EYS: variants seen among roughly 807,000 people sequenced by gnomAD.
EYS encodes protein eyes shut homolog.
A neutral mutation model predicts 282.1 loss-of-function variants in EYS; 250 were observed. The observed-to-expected ratio is 0.89, with a 90% CI of 0.80 to 0.98. EYS has a LOEUF of 0.98. EYS is among the 50% of genes least tolerant of loss of function. The probability of loss-of-function intolerance (pLI) is 0.00; values close to 1 mark genes in which losing one functional copy is unlikely to be tolerated. For synonymous variants in EYS, 1,355 were observed against 1,282.9 expected (o/e 1.06, Z -1.20); for missense variants, 4,016 against 3,709.0 (o/e 1.08, Z -2.15).
At chr6:64,875,752 T>C (rs1766730770) in intron 19 of EYS, among the ~76,000 whole-genome samples, 1 of 152,146 alleles carries the variant, frequency 6.6e-6, no homozygotes, top group African/African-American at 2.4e-5. Context: ...ACATAATTTG[T>C]TCTGTAATGT....
intron 1 of EYS, among the ~76,000 whole-genome samples, chr6:65,669,788 G>A (rs1463121601): frequency 4.0e-5 from 6 of 151,836 alleles, no homozygotes; most frequent in South Asian, 2.1e-4. Flanking sequence ...ATTAACACCC[G>A]CACAGTTGGA....
At chr6:65,369,103 T>A (rs1402374198) in intron 8 of EYS, among the ~76,000 whole-genome samples, 1 of 150,696 alleles carries the variant, frequency 6.6e-6, no homozygotes. Flanking sequence ...CAAAACTCTT[T>A]CAAATTTTTC....
At chr6:65,337,068 T>C (rs1247091482) in intron 10 of EYS, among the ~76,000 whole-genome samples, 1 of 151,422 alleles carries the variant, frequency 6.6e-6, no homozygotes. Flanking sequence ...GATTAGGAAT[T>C]TGGTTTCATG....
intron 2 of EYS, among the ~76,000 whole-genome samples, chr6:65,561,368 C>T (rs1769050966): frequency 6.6e-6 from 1 of 152,144 alleles, no homozygotes; most frequent in Non-Finnish European, 1.5e-5. Flanking sequence ...CTTCTTGAGT[C>T]ACCATTTACT....
intron 12 of EYS, among the ~76,000 whole-genome samples, chr6:65,060,136 C>T (rs951666280): frequency 1.6e-4 from 24 of 151,910 alleles, no homozygotes; most frequent in African/African-American, 5.5e-4. Flanking sequence ...CCGTATTTCC[C>T]AAACTAATCT....
chr6:64,224,490 G>A (rs996453482), intron 31 of EYS, among the ~76,000 whole-genome samples: 1 of 151,928 alleles, frequency 6.6e-6, no homozygotes, highest in Non-Finnish European at 1.5e-5. Context: ...TTTCTCAGTC[G>A]ATTCCATATG....
intron 22 of EYS, among the ~76,000 whole-genome samples, chr6:64,758,128 C>T (rs115970435): frequency 0.011 from 1,739 of 152,080 alleles, 35 homozygotes; most frequent in African/African-American, 0.04. Context: ...CTAGTACGCA[C>T]GAGTTATTTG....
rs1766988935 is a variant in EYS at position 64,607,983 on chromosome 6, C to A, written c.3684+9435G>T. Among the ~76,000 whole-genome samples, 3 of 152,206 alleles carry A rather than the reference C, an allele frequency of 2.0e-5. No individual in the cohort carries two copies. The South Asian group carries it at 6.2e-4, about 32-fold the overall frequency. ...AAAGTATCCAAGACATTTAGCCTGGCAAATAGTTAGGCTTCCTTCATAAAT... is the reference window on the plus strand; with the variant it reads ...AAAGTATCCAAGACATTTAGCCTGGAAAATAGTTAGGCTTCCTTCATAAAT... On this transcript the variant is annotated intron_variant, in intron 24 of 42. Coordinates refer to ENST00000503581, the MANE Select transcript of EYS (RefSeq NM_001142800.2).
intron 12 of EYS, among the ~76,000 whole-genome samples, chr6:65,107,992 T>C (rs945290472): frequency 2.0e-5 from 3 of 152,136 alleles, no homozygotes; most frequent in Admixed American, 6.6e-5. Context: ...GATGATGTTA[T>C]ATTCTTGTTT....
intron 12 of EYS, among the ~76,000 whole-genome samples, chr6:65,261,513 T>C (rs777808656): frequency 6.6e-6 from 1 of 152,054 alleles, no homozygotes; most frequent in Non-Finnish European, 1.5e-5. Flanking sequence ...AACTCAATTA[T>C]GGTTTGCATA....
chr6:65,607,462 T>C (rs936449200), intron 2 of EYS, among the ~76,000 whole-genome samples: 16 of 151,906 alleles, frequency 1.1e-4, no homozygotes, highest in Non-Finnish European at 8.8e-5. Flanking sequence ...ATTCCTGCTG[T>C]AACTTTCCTC....
chr6:64,421,773 T>G (rs1006042454), intron 28 of EYS, among the ~76,000 whole-genome samples: 1 of 152,028 alleles, frequency 6.6e-6, no homozygotes, highest in Admixed American at 6.6e-5. Flanking sequence ...ACTTGGAAAC[T>G]GCTGATTAGT....
chr6:64,010,102 T>C (rs1768538218), intron 33 of EYS, among the ~76,000 whole-genome samples: 1 of 152,164 alleles, frequency 6.6e-6, no homozygotes, highest in Non-Finnish European at 1.5e-5. Context: ...CTCTGGCCCC[T>C]TGAGGTTATG....
intron 12 of EYS, among the ~76,000 whole-genome samples, chr6:65,259,544 TA>T (rs1767562542): frequency 6.6e-6 from 1 of 152,138 alleles, no homozygotes; most frequent in African/African-American, 2.4e-5. Context: ...AATTGCCACT[TA>T]AGAATTACAA....
intron 29 of EYS, among the ~76,000 whole-genome samples, chr6:64,341,547 A>T (rs1478301170): frequency 6.6e-6 from 1 of 151,822 alleles, no homozygotes; most frequent in Non-Finnish European, 1.5e-5. Flanking sequence ...TACTAGAGGG[A>T]GGAGGATGAG....
chr6:63,906,671 T>C (rs1200048439), intron 35 of EYS, among the ~76,000 whole-genome samples: 1 of 152,244 alleles, frequency 6.6e-6, no homozygotes, highest in Admixed American at 6.5e-5. Context: ...ATTTTACTTA[T>C]ATTAGCTTTG....
intron 22 of EYS, among the ~76,000 whole-genome samples, chr6:64,688,065 G>A (rs186745792): frequency 6.6e-6 from 1 of 152,042 alleles, no homozygotes; most frequent in African/African-American, 2.4e-5. Context: ...GGGATCGGTG[G>A]TGGTATCCCC....
chr6:63,847,093 T>A (rs1772119378), intron 36 of EYS, among the ~76,000 whole-genome samples: 1 of 152,202 alleles, frequency 6.6e-6, no homozygotes, highest in African/African-American at 2.4e-5. Context: ...TTTCTGATAT[T>A]GGGTATTTAT....
At chr6:65,601,672 A>T (rs1236832167) in intron 2 of EYS, among the ~76,000 whole-genome samples, 2 of 151,960 alleles carry the variant, frequency 1.3e-5, no homozygotes, top group Non-Finnish European at 2.9e-5. Context: ...ATAAAAATAG[A>T]ACTGCTTGTT....
Sources: gnomAD v4.1 joint callset for allele counts (sites outside exome capture counted in the v4.1 genomes callset) on GRCh38, gnomAD v4.1.1 for gene constraint, MANE v1.5 for transcripts, NCBI Gene and HGNC (gene_info 2026-07-23, HGNC 2026-07-21) for gene names.